The following COL26A1 variants were observed in gnomAD, a reference collection of about 807,000 sequenced individuals.
COL26A1 encodes collagen alpha-1(XXVI) chain.
A neutral mutation model predicts 59.3 loss-of-function variants in COL26A1; 41 were observed. The ratio of observed to expected loss-of-function variants is 0.69; its 90% confidence interval spans 0.54 to 0.90. The LOEUF (loss-of-function observed/expected upper bound fraction) is 0.90, where lower values mean the gene tolerates loss of function less well. Ranked by LOEUF, COL26A1 falls within the 40% of genes least tolerant of loss-of-function variation. The pLI, the probability that COL26A1 is intolerant of heterozygous loss-of-function variation, is 0.00. For synonymous variants in COL26A1, 266 were observed against 256.0 expected (o/e 1.04, Z -0.37); for missense variants, 612 against 602.3 (o/e 1.02, Z -0.17).
intron 3 of COL26A1, among the ~76,000 whole-genome samples, chr7:101,483,035 C>A (rs58026387): frequency 6.6e-6 from 1 of 152,058 alleles, no homozygotes; most frequent in African/African-American, 2.4e-5. Context: ...TGGGAAGTTG[C>A]GTGTGGATCT....
chr7:101,484,900 G>C (rs1250261121), intron 3 of COL26A1, among the ~76,000 whole-genome samples: 1 of 151,552 alleles, frequency 6.6e-6, no homozygotes, highest in Non-Finnish European at 1.5e-5. Flanking sequence ...TGTTACCCAG[G>C]CTGGAGTGCA....
intron 1 of COL26A1, among the ~76,000 whole-genome samples, chr7:101,406,363 A>G (rs995501175): frequency 2.6e-5 from 4 of 152,220 alleles, no homozygotes; most frequent in East Asian, 1.9e-4. Flanking sequence ...GGCTATTCCT[A>G]TGTGAACAAA....
At chr7:101,402,392 C>T (rs982704238) in intron 1 of COL26A1, among the ~76,000 whole-genome samples, 4 of 152,100 alleles carry the variant, frequency 2.6e-5, no homozygotes, top group South Asian at 2.1e-4. Flanking sequence ...TGTCCTGGTT[C>T]GTCACCAGCT....
chr7:101,470,096 CTT>C (rs199558276), intron 3 of COL26A1, among the ~76,000 whole-genome samples: 4 of 148,780 alleles, frequency 2.7e-5, no homozygotes, highest in Non-Finnish European at 1.5e-5. Flanking sequence ...AATGGATTGC[CTT>C]TTTTTTTGTT....
At chr7:101,503,757 A>C (rs373927462) in intron 3 of COL26A1, among the ~76,000 whole-genome samples, 60 of 152,320 alleles carry the variant, frequency 3.9e-4, no homozygotes, top group Middle Eastern at 3.4e-3. Context: ...CCTCAAGGGA[A>C]GGTGCTGGAA....
intron 3 of COL26A1, among the ~76,000 whole-genome samples, chr7:101,510,291 G>T (rs1368140352): frequency 6.6e-6 from 1 of 152,148 alleles, no homozygotes; most frequent in Non-Finnish European, 1.5e-5. Context: ...TTTCCAAAAT[G>T]CTGGGATTAC....
intron 1 of COL26A1, among the ~76,000 whole-genome samples, chr7:101,386,709 A>G (rs1412325930): frequency 6.6e-6 from 1 of 151,928 alleles, no homozygotes; most frequent in Non-Finnish European, 1.5e-5. Context: ...GCAAAGTCCA[A>G]CTCACGCAGG....
intron 1 of COL26A1, among the ~76,000 whole-genome samples, chr7:101,410,864 A>AT (rs1478604520): frequency 7.2e-6 from 1 of 138,420 alleles, no homozygotes; most frequent in Non-Finnish European, 1.5e-5. Flanking sequence ...CACCCAGCTA[A>AT]TTTTTTTTTC....
At chr7:101,383,675 T>C (rs372854672) in intron 1 of COL26A1, among the ~76,000 whole-genome samples, 1 of 152,120 alleles carries the variant, frequency 6.6e-6, no homozygotes, top group African/African-American at 2.4e-5. Context: ...GCTGGGATTA[T>C]AGGCATGTGC....
chr7:101,490,773 C>T (rs6465811), intron 3 of COL26A1, among the ~76,000 whole-genome samples: 32,760 of 149,770 alleles, frequency 0.22, 4,538 homozygotes, highest in Non-Finnish European at 0.31. Context: ...CCAAGGTGGG[C>T]GGACCACCTG....
At position 101,420,049 on chromosome 7, in the gene COL26A1, G is replaced by A. The variant is rs2130276364; in HGVS notation, c.231G>A (p.Gln77=). ...QVQNGSETVV[Q]RVYQSCRWPG... is the part of the protein sequence containing the mutation. ...AGAATGGCTCGGAGACGGTGGTCCA[G>A]CGCGTGTACCAGAGCTGCCGGTGGC... Residue 77 remains glutamine (Q), a synonymous_variant, in exon 2 of 13, where the codon CAG becomes CAA. Transcript: ENST00000313669. 6.2e-7 allele frequency: 1 copy of A among 1,613,138 alleles called. No homozygotes were observed. Among genetic ancestry groups the A allele is most frequent in the Non-Finnish European group, 8.5e-7 (1 of 1,179,824 alleles).
At chr7:101,483,199 C>CT (rs369605902) in intron 3 of COL26A1, among the ~76,000 whole-genome samples, 15,932 of 145,186 alleles carry the variant, frequency 0.11, 1,059 homozygotes, top group African/African-American at 0.19. Context: ...AAGAAATTAG[C>CT]TTTTTTTTTT....
Position 101,420,109 on chromosome 7 carries a change from G to A in COL26A1, c.281+10G>A, listed in dbSNP as rs370129983. ...GCGCCAACCTCGTAAGGTAAAGGCC[G>A]CTGGGCTAGGCTGCTCTGCCCTTCC... is the stretch of plus-strand genomic sequence containing the variant. On this transcript the variant is annotated intron_variant, in intron 2 of 12. Coordinates refer to ENST00000313669, the MANE Select transcript of COL26A1 (RefSeq NM_001278563.3). 42 of 1,611,554 alleles carry A rather than the reference G, an allele frequency of 2.6e-5. 1 individual carries two copies. The highest frequency in any genetic ancestry group is 2.5e-4 in the Admixed American group (15 of 60,010).
At chr7:101,504,209 T>C (rs1794760708) in intron 3 of COL26A1, among the ~76,000 whole-genome samples, 1 of 152,132 alleles carries the variant, frequency 6.6e-6, no homozygotes, top group Admixed American at 6.5e-5. Flanking sequence ...CAAGCGACTC[T>C]CCTGTCTCAG....
chr7:101,376,487 G>GTC (rs1454947326), intron 1 of COL26A1, among the ~76,000 whole-genome samples: 1 of 152,128 alleles, frequency 6.6e-6, no homozygotes. Flanking sequence ...TTCAAAGCAG[G>GTC]TCTTGTAGGA....
chr7:101,532,670 C>T (rs1478802160), intron 3 of COL26A1, among the ~76,000 whole-genome samples: 1 of 152,162 alleles, frequency 6.6e-6, no homozygotes, highest in African/African-American at 2.4e-5. Flanking sequence ...AGCCCAACTC[C>T]TTCCCCAGAC....
chr7:101,551,264 C>G, intron 10 of COL26A1, 121 bp downstream of exon 10: 1 of 1,048,310 alleles, frequency 9.5e-7, no homozygotes, highest in Non-Finnish European at 1.4e-6. Context: ...CCTGCTGGAG[C>G]TCAGGCAACA....
chr7:101,389,937 C>G (rs1449949507), intron 1 of COL26A1, among the ~76,000 whole-genome samples: 1 of 152,050 alleles, frequency 6.6e-6, no homozygotes, highest in Non-Finnish European at 1.5e-5. Flanking sequence ...TTCCCCACCT[C>G]TTCTTGTATT....
chr7:101,394,367 T>A (rs1791802914), intron 1 of COL26A1, among the ~76,000 whole-genome samples: 1 of 150,418 alleles, frequency 6.6e-6, no homozygotes, highest in Admixed American at 6.6e-5. Context: ...GTGTGCTGTT[T>A]TAAGTCACTC....
Sources: allele counts gnomAD v4.1 joint callset (sites outside exome capture counted in the v4.1 genomes callset), GRCh38; gene constraint gnomAD v4.1.1; transcripts MANE v1.5; gene names NCBI Gene and HGNC (gene_info 2026-07-23, HGNC 2026-07-21).